Variants in CHD5 observed in about 807,000 individuals in gnomAD.
The protein encoded by CHD5 is chromodomain helicase DNA binding protein 5, also known as ATP-dependent chromatin remodeler CHD5.
In CHD5, 69 loss-of-function variants were observed where a neutral mutation model predicts 230.3. The ratio of observed to expected loss-of-function variants is 0.30; its 90% confidence interval spans 0.25 to 0.37. CHD5 has a LOEUF of 0.37. CHD5 is among the 10% of genes least tolerant of loss of function. The pLI is 1.00. For synonymous variants in CHD5, 1,064 were observed against 1,065.9 expected, an observed-to-expected ratio of 1.00 and a Z score of 0.03; for missense variants, 1,827 against 2,622.8, an observed-to-expected ratio of 0.70 and a Z score of 6.63.
At chr1:6,115,807 C>G (rs751756620) in intron 33 of CHD5, among the ~76,000 whole-genome samples, 2 of 152,328 alleles carry the variant, frequency 1.3e-5, no homozygotes, top group East Asian at 1.9e-4. Flanking sequence ...AGCTACACCA[C>G]GCCAGGCATC....
At chr1:6,143,262 G>A (rs1666857468) in intron 13 of CHD5, among the ~76,000 whole-genome samples, 1 of 151,960 alleles carries the variant, frequency 6.6e-6, no homozygotes, top group Non-Finnish European at 1.5e-5. Context: ...CAAACTTCTG[G>A]GTTCAAGCGG....
At chr1:6,145,474 C>A (rs1364843406) in intron 11 of CHD5, among the ~76,000 whole-genome samples, 1 of 152,246 alleles carries the variant, frequency 6.6e-6, no homozygotes, top group Non-Finnish European at 1.5e-5. Flanking sequence ...CATCTGTCAG[C>A]CACCACCAGT....
chr1:6,113,019 G>A (rs375997829), intron 33 of CHD5, 21 bp from the exon 34 acceptor site: 57 of 1,552,678 alleles, frequency 3.7e-5, no homozygotes, highest in African/African-American at 9.5e-5. Flanking sequence ...AAGAGGGTTC[G>A]CGGCATGGGG....
rs758708376 is a variant in CHD5 at position 6,109,892 on chromosome 1, G to A, written c.5481C>T (p.Ala1827=). The change falls in exon 38 of 42, where the codon GCC becomes GCT. Residue 1827 remains alanine (A), a synonymous_variant. Coordinates refer to ENST00000262450, the MANE Select transcript of CHD5 (RefSeq NM_015557.3). ...DPNHPAMALN[A]RLAEVECLAE... ...CGAGGCACTCCACTTCAGCCAGGCG[G>A]GCGTTGAGGGCCATGGCGGGGTGGT... is the stretch of plus-strand genomic sequence containing the variant. 1.2e-6 allele frequency: 2 copies of A among 1,612,386 alleles called. No homozygotes were observed. Among genetic ancestry groups the A allele is most frequent in the East Asian group, 2.2e-5 (1 of 44,866 alleles).
At chr1:6,171,032 G>A (rs1012785517) in intron 1 of CHD5, among the ~76,000 whole-genome samples, 5 of 152,218 alleles carry the variant, frequency 3.3e-5, no homozygotes, top group Admixed American at 1.3e-4. Flanking sequence ...GCAATCTCGA[G>A]GGGGGGCCTC....
At chr1:6,133,636 G>C (rs2100850099) in intron 20 of CHD5, among the ~76,000 whole-genome samples, 1 of 152,354 alleles carries the variant, frequency 6.6e-6, no homozygotes, top group African/African-American at 2.4e-5. Flanking sequence ...CTAGATCACT[G>C]GTCCCTGCAC....
chr1:6,152,480 C>T lies in CHD5; in HGVS notation c.802G>A (p.Gly268Arg). 6.2e-7 allele frequency: 1 copy of T among 1,614,204 alleles called. No individual in the cohort carries two copies. Among genetic ancestry groups the T allele is most frequent in the Non-Finnish European group, 8.5e-7 (1 of 1,180,040 alleles). The change falls in exon 6 of 42, where the codon GGG becomes AGG. Residue 268 changes from glycine to arginine, a missense_variant. Gly to Arg is a moderately radical substitution (Grantham distance 125). Around this residue, in one of 14 missense-constraint regions of CHD5, gnomAD observed 657 missense variants for 816.4 expected, o/e 0.80. Coordinates refer to ENST00000262450, the MANE Select transcript of CHD5 (RefSeq NM_015557.3). The stretch of plus-strand genomic sequence containing the variant: ...AACTTGAGCCCGGCCGTCTTTTTCC[C>T]TTTGCCCTTTTTCTTCCCATCTTTG... ...GSKDGKKKGKGKKTAGLKFRF... is the reference protein window; with the variant it reads ...GSKDGKKKGKRKKTAGLKFRF...
chr1:6,152,825 C>T (rs1174935847), intron 5 of CHD5, among the ~76,000 whole-genome samples: 2 of 152,222 alleles, frequency 1.3e-5, no homozygotes, highest in East Asian at 1.9e-4. Flanking sequence ...TCCCCTATAC[C>T]GTCTCCAACC....
Position 6,149,235 on chromosome 1 carries a change from C to T in CHD5, c.1161+11G>A, listed in dbSNP as rs1175902164. Reference sequence around the variant, plus strand: ...GCCCCGCCCCCAGCCCGGGGCTCTGCCAAGGCTTACACAGTGGGGGCAGCT... The same window carrying T: ...GCCCCGCCCCCAGCCCGGGGCTCTGTCAAGGCTTACACAGTGGGGGCAGCT... On this transcript the variant is annotated intron_variant, in intron 8 of 41. Coordinates refer to ENST00000262450, the MANE Select transcript of CHD5 (RefSeq NM_015557.3). The T allele has an allele frequency of 1.3e-6, 2 of 1,576,344 alleles. No homozygotes were observed. Among genetic ancestry groups the T allele is most frequent in the African/African-American group, 1.4e-5 (1 of 73,762 alleles).
At position 6,112,669 on chromosome 1, in the gene CHD5, G is replaced by A. The variant is rs570289319; in HGVS notation, c.5002+240C>T. Among the ~76,000 whole-genome samples, 7 of 152,324 alleles carry A rather than the reference G, an allele frequency of 4.6e-5. No individual in the cohort carries two copies. The South Asian group carries it at 1.5e-3, about 32-fold the overall frequency. ...CCAAATCCCCCAGGCCAGGCTCTATGACCAGCTCTCCTCTCTCTTAGCGGC... is the reference window on the plus strand; with the variant it reads ...CCAAATCCCCCAGGCCAGGCTCTATAACCAGCTCTCCTCTCTCTTAGCGGC... On this transcript the variant is annotated intron_variant, in intron 34 of 41. Transcript: ENST00000262450.
Position 6,105,115 on chromosome 1 carries a change from A to G in CHD5, c.*359T>C. 3.0e-6 allele frequency: 1 copy of G among 334,152 alleles called. No homozygotes were observed. Among genetic ancestry groups the G allele is most frequent in the South Asian group, 2.3e-5 (1 of 42,744 alleles). The allele number at this position is 334,152 out of a possible 1,614,324, so 20.7% of individuals were successfully genotyped here. ...TCCATACGTCATCCAACTTTTATCA[A>G]GACAAACGTGTTCAAGTCTTCAATA... is the stretch of plus-strand genomic sequence containing the variant. On this transcript the variant is annotated 3_prime_UTR_variant, in exon 42 of 42. Transcript: ENST00000262450. The surrounding 1 kb of genome is among the most constrained non-coding windows in gnomAD (Gnocchi z 4.8).
At chr1:6,110,190 C>G (rs1011879408) in intron 37 of CHD5, among the ~76,000 whole-genome samples, 200 bp from the exon 38 acceptor site, 7 of 152,230 alleles carry the variant, frequency 4.6e-5, no homozygotes, top group African/African-American at 1.7e-4. Flanking sequence ...CCCAACACCC[C>G]AAGGCGGCAG....
At chr1:6,174,572 G>A (rs1667390654) in intron 1 of CHD5, among the ~76,000 whole-genome samples, 1 of 151,254 alleles carries the variant, frequency 6.6e-6, no homozygotes, top group Non-Finnish European at 1.5e-5. Context: ...GATGGTGGAT[G>A]GGTGGATAGT....
At position 6,169,414 on chromosome 1, in the gene CHD5, A is replaced by G. The variant is rs982499468; in HGVS notation, c.80-1137T>C. 2.6e-5 allele frequency among the ~76,000 whole-genome samples: 4 copies of G among 152,122 alleles called. No homozygotes were observed. The East Asian group carries it at 7.7e-4, about 29-fold the overall frequency. On this transcript the variant is annotated intron_variant, in intron 1 of 41. Coordinates refer to ENST00000262450, the MANE Select transcript of CHD5 (RefSeq NM_015557.3). ...CCTGGCCGGGCAGGCTCGGGAAGGG[A>G]GTATGTTTGACGACACTGGCCACAG...
rs56933510 is a variant in CHD5, at chr1:6,159,227, T to TCACA, written c.387+105_387+108dup. 1,887 of 1,400,846 alleles carry TCACA rather than the reference T, an allele frequency of 1.3e-3. 1 individual carries two copies. Among genetic ancestry groups the TCACA allele is most frequent in the African/African-American group, 2.6e-3 (178 of 67,956 alleles). The allele number at this position is 1,400,846 out of a possible 1,614,324, so 86.8% of individuals were successfully genotyped here. On this transcript the variant is annotated intron_variant, in intron 3 of 41. Coordinates refer to ENST00000262450, the MANE Select transcript of CHD5 (RefSeq NM_015557.3). The stretch of plus-strand genomic sequence containing the variant: ...AGCCTGGCAACAGAGTGAGACTCCA[T>TCACA]CACACACACACACACACACACACAC...
At chr1:6,176,081 G>T (rs1667422121) in intron 1 of CHD5, among the ~76,000 whole-genome samples, 1 of 152,154 alleles carries the variant, frequency 6.6e-6, no homozygotes, top group Non-Finnish European at 1.5e-5. Flanking sequence ...GATCAACTTG[G>T]AATGACAATG....
rs1307528653 is a variant in CHD5 at position 6,128,507 on chromosome 1, G to C, written c.3722C>G (p.Thr1241Ser). ...AASAKKKHGSTPPGDNKDVED... is the reference protein window; with the variant it reads ...AASAKKKHGSSPPGDNKDVED... Reference sequence around the variant, plus strand: ...GCTGGGTTGGCCCCTACCTGGCGGGGTGCTACCGTGCTTCTTCTTTGCACT... The same window carrying C: ...GCTGGGTTGGCCCCTACCTGGCGGGCTGCTACCGTGCTTCTTCTTTGCACT... The change falls in exon 24 of 42, where the codon ACC becomes AGC. Residue 1241 changes from threonine to serine, a missense_variant. Coordinates refer to ENST00000262450, the MANE Select transcript of CHD5 (RefSeq NM_015557.3). The surrounding 1 kb of genome is among the most constrained non-coding windows in gnomAD (Gnocchi z 7.8). The C allele has an allele frequency of 6.2e-7, 1 of 1,613,084 alleles. No individual in the cohort carries two copies. Among genetic ancestry groups the C allele is most frequent in the Admixed American group, 1.7e-5 (1 of 60,002 alleles).
At chr1:6,153,420 C>T (rs537467618) in intron 5 of CHD5, among the ~76,000 whole-genome samples, 2 of 152,318 alleles carry the variant, frequency 1.3e-5, no homozygotes, top group South Asian at 4.1e-4. Context: ...GTCACTTCAC[C>T]CACCAGGCTC....
intron 1 of CHD5, among the ~76,000 whole-genome samples, chr1:6,179,171 G>T (rs1667470024): frequency 6.6e-6 from 1 of 152,234 alleles, no homozygotes; most frequent in Non-Finnish European, 1.5e-5. Flanking sequence ...GATGGTAGGG[G>T]CAGGGGCGGT....
Sources: gnomAD v4.1 joint callset for allele counts (sites outside exome capture counted in the v4.1 genomes callset) on GRCh38, gnomAD v4.1.1 for gene constraint, gnomAD v4.1.1 regional missense constraint, Gnocchi (gnomAD v3.1) non-coding constraint, MANE v1.5 for transcripts, NCBI Gene and HGNC (gene_info 2026-07-23, HGNC 2026-07-21) for gene names.